PRICKLE1: variants seen among roughly 807,000 people sequenced by gnomAD.
PRICKLE1 encodes the protein prickle-like protein 1.
A neutral mutation model predicts 70.2 loss-of-function variants in PRICKLE1; 14 were observed. That is an observed-to-expected ratio of 0.20 (90% confidence interval 0.13 to 0.31). PRICKLE1 has a LOEUF of 0.31. Ranked by LOEUF, PRICKLE1 falls within the 10% of genes least tolerant of loss-of-function variation. The pLI, the probability that PRICKLE1 is intolerant of heterozygous loss-of-function variation, is 1.00. For missense variants in PRICKLE1, 821 were observed against 1,026.2 expected, an observed-to-expected ratio of 0.80 and a Z score of 2.73; for synonymous variants, 357 against 379.9, an observed-to-expected ratio of 0.94 and a Z score of 0.70.
chr12:42,579,913 C>A (rs1411550091), intron 1 of PRICKLE1, among the ~76,000 whole-genome samples: 5 of 151,882 alleles, frequency 3.3e-5, no homozygotes, highest in Non-Finnish European at 5.9e-5. Context: ...CTCTTACCAC[C>A]CAGGCTGGAG....
chr12:42,500,515 A>T (rs1187520267), intron 1 of PRICKLE1, among the ~76,000 whole-genome samples: 1 of 152,200 alleles, frequency 6.6e-6, no homozygotes, highest in Non-Finnish European at 1.5e-5. Context: ...AGCATGGTTC[A>T]GTTGTTAGTT....
At chr12:42,521,929 GGTGT>G (rs72169209) in intron 1 of PRICKLE1, among the ~76,000 whole-genome samples, 27,295 of 139,254 alleles carry the variant, frequency 0.2, 2,935 homozygotes, top group Middle Eastern at 0.28. Flanking sequence ...GTTTGTTTTT[GGTGT>G]GTGTGTGTGT....
At chr12:42,500,466 A>G (rs979718121) in intron 1 of PRICKLE1, among the ~76,000 whole-genome samples, 8 of 152,184 alleles carry the variant, frequency 5.3e-5, no homozygotes, top group African/African-American at 1.9e-4. Context: ...CACCTCTTCC[A>G]CTTAAATGCA....
rs577277081 is a variant in PRICKLE1 at position 42,513,739 on chromosome 12, C to G, written c.-48-41175G>C. Among the ~76,000 whole-genome samples, 13 of 152,114 alleles carry G rather than the reference C, an allele frequency of 8.5e-5. No homozygotes were observed. The East Asian group carries it at 2.5e-3, about 29-fold the overall frequency. ...TGGGTGCAGCCTATTATATAACCTGCAATCCCAGCACTTTGGAAGGCCAAG... is the reference window on the plus strand; with the variant it reads ...TGGGTGCAGCCTATTATATAACCTGGAATCCCAGCACTTTGGAAGGCCAAG... On this transcript the variant is annotated intron_variant, in intron 1 of 7. Coordinates refer to ENST00000345127, the MANE Select transcript of PRICKLE1 (RefSeq NM_153026.3).
intron 1 of PRICKLE1, among the ~76,000 whole-genome samples, chr12:42,512,191 G>A (rs1669939): frequency 0.17 from 25,744 of 152,102 alleles, 2,832 homozygotes; most frequent in African/African-American, 0.29. Flanking sequence ...TTTTTTTGGA[G>A]ACAGAATCTT....
chr12:42,492,235 G>A (rs1939120355), intron 1 of PRICKLE1, among the ~76,000 whole-genome samples: 1 of 152,180 alleles, frequency 6.6e-6, no homozygotes, highest in South Asian at 2.1e-4. Flanking sequence ...TCAAGTAGCT[G>A]TGATTACAGG....
Position 42,469,543 on chromosome 12 carries a change from C to T in PRICKLE1, c.291G>A (p.Leu97=). The T allele has an allele frequency of 1.2e-6, 2 of 1,614,186 alleles. No homozygotes were observed. The highest frequency in any genetic ancestry group is 8.5e-7 in the Non-Finnish European group (1 of 1,180,032). ...QSLSEEEKKE[L]QVFSAQRKKE... is the part of the protein sequence containing the mutation. ...TCTTCCGCTGAGCACTGAACACCTG[C>T]AACTCTTTTTTCTCCTCTTCACTCA... Residue 97 remains leucine, a synonymous_variant, in exon 4 of 8, where the codon TTG becomes TTA. Coordinates refer to ENST00000345127, the MANE Select transcript of PRICKLE1 (RefSeq NM_153026.3).
intron 1 of PRICKLE1, among the ~76,000 whole-genome samples, chr12:42,565,937 CG>C (rs1940614468): frequency 6.6e-6 from 1 of 152,056 alleles, no homozygotes; most frequent in African/African-American, 2.4e-5. Context: ...AACAAGGAAC[CG>C]GGGATCAGAG....
At chr12:42,476,088 G>T (rs1423328970) in intron 1 of PRICKLE1, among the ~76,000 whole-genome samples, 1 of 95,562 alleles carries the variant, frequency 1.0e-5, no homozygotes, top group Non-Finnish European at 2.1e-5. Flanking sequence ...GCAAAACTCC[G>T]TCTCAAAAAA....
At chr12:42,585,236 TA>T (rs1390352007) in intron 1 of PRICKLE1, among the ~76,000 whole-genome samples, 1 of 152,230 alleles carries the variant, frequency 6.6e-6, no homozygotes, top group Non-Finnish European at 1.5e-5. Context: ...GCTTACATTT[TA>T]AAATGTTTAC....
At chr12:42,506,243 TC>T (rs1239978700) in intron 1 of PRICKLE1, among the ~76,000 whole-genome samples, 15,523 of 133,258 alleles carry the variant, frequency 0.12, 1,713 homozygotes, top group African/African-American at 0.24. Context: ...TAAAAAATGT[TC>T]TTTTTTCTTT....
intron 5 of PRICKLE1, among the ~76,000 whole-genome samples, chr12:42,468,334 C>T (rs1205992566): frequency 6.6e-6 from 1 of 152,154 alleles, no homozygotes; most frequent in Non-Finnish European, 1.5e-5. Context: ...TGTATTTTCT[C>T]ACAACCCACT....
At chr12:42,549,188 A>C (rs1028726288) in intron 1 of PRICKLE1, among the ~76,000 whole-genome samples, 1 of 151,764 alleles carries the variant, frequency 6.6e-6, no homozygotes, top group African/African-American at 2.4e-5. Context: ...TAGGAAAAAA[A>C]CCATTAGGGG....
In PRICKLE1 at chr12:42,498,683, C is replaced by T. The variant is rs548137176; in HGVS notation, c.-48-26119G>A. ...AAACCTTCGTGAGATAAAATTAAGACTCTTTACAAAGAAGCCCGTCCATTT... is the reference window on the plus strand; with the variant it reads ...AAACCTTCGTGAGATAAAATTAAGATTCTTTACAAAGAAGCCCGTCCATTT... On this transcript the variant is annotated intron_variant, in intron 1 of 7. Coordinates refer to ENST00000345127, the MANE Select transcript of PRICKLE1 (RefSeq NM_153026.3). Among the ~76,000 whole-genome samples the T allele has an allele frequency of 3.3e-5, 5 of 152,322 alleles. No homozygotes were observed. In the East Asian group the frequency reaches 9.6e-4, roughly 29 times the overall value.
chr12:42,502,664 A>G (rs1334442207), intron 1 of PRICKLE1, among the ~76,000 whole-genome samples: 2 of 152,056 alleles, frequency 1.3e-5, no homozygotes, highest in African/African-American at 4.8e-5. Flanking sequence ...ACTTTCAACT[A>G]CCAAGGATGC....
chr12:42,545,440 A>T (rs1940190875), intron 1 of PRICKLE1, among the ~76,000 whole-genome samples: 1 of 152,276 alleles, frequency 6.6e-6, no homozygotes, highest in Non-Finnish European at 1.5e-5. Flanking sequence ...CATTGTAAGA[A>T]TGTACTGGGC....
rs570071895 is a variant in PRICKLE1, at chr12:42,459,474, T to C, written c.*335A>G. The C allele has an allele frequency of 8.5e-4, 565 of 662,610 alleles. 12 individuals carry two copies. In the South Asian group the frequency reaches 8.9e-3, roughly 10 times the overall value. The allele number at this position is 662,610 out of a possible 1,614,324, so 41.0% of individuals were successfully genotyped here. A position where few individuals can be genotyped will look rare whatever the true frequency, so the allele number is the denominator to read the frequency against. On this transcript the variant is annotated 3_prime_UTR_variant, in exon 8 of 8. Coordinates refer to ENST00000345127, the MANE Select transcript of PRICKLE1 (RefSeq NM_153026.3). ...TGCTTTACAAAGGTGGCTGGAGTTC[T>C]CCATCTTCTAAAATCAACATCCAAT...
chr12:42,527,985 A>C (rs1939844378), intron 1 of PRICKLE1, among the ~76,000 whole-genome samples: 1 of 140,374 alleles, frequency 7.1e-6, no homozygotes, highest in East Asian at 2.1e-4. Flanking sequence ...CCAAAGTTTT[A>C]TATACTATCT....
At position 42,482,986 on chromosome 12, in the gene PRICKLE1, G is replaced by C. The variant is rs914033344; in HGVS notation, c.-48-10422C>G. The C allele has an allele frequency of 3.3e-5, 5 of 152,272 alleles. No individual in the cohort carries two copies. In the East Asian group the frequency reaches 7.7e-4, roughly 23 times the overall value. 9.4% of individuals were successfully genotyped at this position (152,272 alleles called of 1,614,324 possible). On this transcript the variant is annotated intron_variant, in intron 1 of 7. Coordinates refer to ENST00000345127, the MANE Select transcript of PRICKLE1 (RefSeq NM_153026.3). ...GAGGGGGCGCCCTGGGCCGTGGGTC[G>C]ACCGGCTCCAGCCCCTCTCTGCGTC...
Sources: allele counts gnomAD v4.1 joint callset (sites outside exome capture counted in the v4.1 genomes callset), GRCh38; gene constraint gnomAD v4.1.1; transcripts MANE v1.5; gene names NCBI Gene and HGNC (gene_info 2026-07-23, HGNC 2026-07-21).